Variants in SDK1 observed in about 807,000 individuals in gnomAD.
SDK1 encodes protein sidekick-1.
In SDK1, 157 loss-of-function variants were observed where a neutral mutation model predicts 245.5. That is an observed-to-expected ratio of 0.64 (90% CI 0.56 to 0.73). The LOEUF (loss-of-function observed/expected upper bound fraction) is 0.73, where lower values mean the gene tolerates loss of function less well. Ranked by LOEUF, SDK1 falls within the 30% of genes least tolerant of loss-of-function variation. The pLI is 0.00. For missense variants in SDK1, 3,583 were observed against 3,002.3 expected (o/e 1.19, Z -4.52); for synonymous variants, 1,647 against 1,278.5 (o/e 1.29, Z -6.15).
rs565156455 is a variant in SDK1, at chr7:3,612,161, G to A, written c.299-6919G>A. 4.7e-4 allele frequency among the ~76,000 whole-genome samples: 71 copies of A among 152,170 alleles called. 1 individual carries two copies. Among genetic ancestry groups the A allele is most frequent in the African/African-American group, 1.6e-3 (65 of 41,536 alleles). The stretch of plus-strand genomic sequence containing the variant: ...AGTGTACACTGCTCAGGTGATGAGT[G>A]TACCAAAATCTCACAAATCACCACT... On this transcript the variant is annotated intron_variant, in intron 1 of 44. Transcript: ENST00000404826.
rs546187094 is a variant in SDK1, at chr7:3,910,530, C to T, written c.848-40393C>T. Among the ~76,000 whole-genome samples, 15 of 152,266 alleles carry T rather than the reference C, an allele frequency of 9.9e-5. No individual in the cohort carries two copies. In the South Asian group the frequency reaches 1.5e-3, roughly 15 times the overall value. ...AGGTCACCAAAAAGTACTGAGTCAT[C>T]GTGCCATTCGGTTACCTTCGGCGCT... On this transcript the variant is annotated intron_variant, in intron 5 of 44. Coordinates refer to ENST00000404826, the MANE Select transcript of SDK1 (RefSeq NM_152744.4).
chr7:3,412,458 T>C (rs1020688832), intron 1 of SDK1, among the ~76,000 whole-genome samples: 1 of 152,242 alleles, frequency 6.6e-6, no homozygotes, highest in African/African-American at 2.4e-5. Flanking sequence ...GCTCCTGCTT[T>C]TTTTGTTAAA....
chr7:3,347,800 C>T (rs1010479718), intron 1 of SDK1, among the ~76,000 whole-genome samples: 1 of 152,094 alleles, frequency 6.6e-6, no homozygotes, highest in African/African-American at 2.4e-5. Flanking sequence ...AGAGTTAATA[C>T]AAGTTTCTTA....
chr7:3,446,634 A>G (rs1191117263), intron 1 of SDK1, among the ~76,000 whole-genome samples: 2 of 152,200 alleles, frequency 1.3e-5, no homozygotes, highest in African/African-American at 4.8e-5. Context: ...CGTGCATTAT[A>G]AAATAGCATT....
intron 19 of SDK1, among the ~76,000 whole-genome samples, chr7:4,064,031 T>G (rs1043255437): frequency 1.3e-5 from 2 of 152,104 alleles, no homozygotes; most frequent in African/African-American, 2.4e-5. Flanking sequence ...AAAGATTTTA[T>G]GGCTAAGATC....
At position 3,339,300 on chromosome 7, in the gene SDK1, G is replaced by A. The variant is rs73290066; in HGVS notation, c.298+37416G>A. Among the ~76,000 whole-genome samples the A allele has an allele frequency of 8.4e-3, 1,279 of 152,166 alleles. 23 individuals carry two copies. Among genetic ancestry groups the A allele is most frequent in the African/African-American group, 0.029 (1,203 of 41,520 alleles). On this transcript the variant is annotated intron_variant, in intron 1 of 44. Transcript: ENST00000404826. Reference sequence around the variant, plus strand: ...ACATGAAGCAAAAACTGAGCTGAAAGGAGAAATAAATTTAACAAATACTAT... The same window carrying A: ...ACATGAAGCAAAAACTGAGCTGAAAAGAGAAATAAATTTAACAAATACTAT...
intron 22 of SDK1, among the ~76,000 whole-genome samples, chr7:4,086,235 G>T (rs1319499908): frequency 6.6e-6 from 1 of 152,142 alleles, no homozygotes. Flanking sequence ...ATGAGCTGGG[G>T]TTTGTTTATG....
rs548925667 is a variant in SDK1 at position 4,265,975 on chromosome 7, G to A, written c.*591G>A. 2 of 985,628 alleles carry A rather than the reference G, an allele frequency of 2.0e-6. No homozygotes were observed. Among genetic ancestry groups the A allele is most frequent in the African/African-American group, 1.7e-5 (1 of 57,380 alleles). The allele number at this position is 985,628 out of a possible 1,614,324, so 61.1% of individuals were successfully genotyped here. A position where few individuals can be genotyped will look rare whatever the true frequency, so the allele number is the denominator to read the frequency against. On this transcript the variant is annotated 3_prime_UTR_variant, in exon 45 of 45. Transcript: ENST00000404826. ...TGTCTAGTCAAGGAGTCGGCTTTCA[G>A]GTTCCTGACGGCCAGGCAGGGATGC...
At chr7:3,321,832 C>CTCT (rs1779821260) in intron 1 of SDK1, among the ~76,000 whole-genome samples, 1 of 132,972 alleles carries the variant, frequency 7.5e-6, no homozygotes, top group Admixed American at 7.6e-5. Context: ...TTCCTTCCTC[C>CTCT]TTTTCTCTCT....
chr7:4,236,714 A>G (rs1191225274), intron 41 of SDK1, among the ~76,000 whole-genome samples: 2 of 152,018 alleles, frequency 1.3e-5, no homozygotes, highest in African/African-American at 2.4e-5. Context: ...TGGGTGATGT[A>G]AAGGATGGAT....
At chr7:3,538,340 C>CT (rs1015077840) in intron 1 of SDK1, among the ~76,000 whole-genome samples, 15 of 151,166 alleles carry the variant, frequency 9.9e-5, no homozygotes, top group East Asian at 3.9e-4. Flanking sequence ...AAATCCTGTG[C>CT]TTTTTTTTTG....
At chr7:3,514,119 G>A (rs1782661389) in intron 1 of SDK1, among the ~76,000 whole-genome samples, 1 of 152,120 alleles carries the variant, frequency 6.6e-6, no homozygotes, top group African/African-American at 2.4e-5. Context: ...AGAGAGGGAC[G>A]ACAAGACAGG....
At chr7:3,555,108 A>G (rs1041219350) in intron 1 of SDK1, among the ~76,000 whole-genome samples, 6 of 152,180 alleles carry the variant, frequency 3.9e-5, no homozygotes, top group African/African-American at 1.4e-4. Context: ...AACCACAAAA[A>G]GCCAAGAATA....
At chr7:3,640,760 C>T (rs147126026) in intron 3 of SDK1, among the ~76,000 whole-genome samples, 4,263 of 151,850 alleles carry the variant, frequency 0.028, 200 homozygotes, top group African/African-American at 0.099. Context: ...CTTGACTCAC[C>T]GCAACCTCCG....
At chr7:3,645,780 G>A (rs1782815591) in intron 4 of SDK1, among the ~76,000 whole-genome samples, 1 of 152,122 alleles carries the variant, frequency 6.6e-6, no homozygotes. Context: ...CCACAGAGAT[G>A]CCATTTAAAA....
chr7:4,149,737 G>A (rs1780228385), intron 30 of SDK1, among the ~76,000 whole-genome samples: 1 of 152,116 alleles, frequency 6.6e-6, no homozygotes, highest in South Asian at 2.1e-4. Flanking sequence ...GATTGGCGAG[G>A]CAGGGGTGAT....
At chr7:3,363,672 C>A (rs1332350281) in intron 1 of SDK1, among the ~76,000 whole-genome samples, 1 of 152,158 alleles carries the variant, frequency 6.6e-6, no homozygotes, top group African/African-American at 2.4e-5. Flanking sequence ...TCACAAGAAG[C>A]ACGCAGTCTA....
At chr7:3,449,930 C>A (rs1328528873) in intron 1 of SDK1, among the ~76,000 whole-genome samples, 2 of 152,070 alleles carry the variant, frequency 1.3e-5, no homozygotes, top group African/African-American at 4.8e-5. Flanking sequence ...GTCCAGGATG[C>A]CATGAAAACG....
At chr7:4,074,026 G>A (rs570470302) in intron 20 of SDK1, among the ~76,000 whole-genome samples, 4 of 152,298 alleles carry the variant, frequency 2.6e-5, no homozygotes, top group East Asian at 3.9e-4. Flanking sequence ...GCAGGGGGCC[G>A]TAGGTGTTTT....
Sources: gnomAD v4.1 joint callset for allele counts (sites outside exome capture counted in the v4.1 genomes callset) on GRCh38, gnomAD v4.1.1 for gene constraint, MANE v1.5 for transcripts, NCBI Gene and HGNC (gene_info 2026-07-23, HGNC 2026-07-21) for gene names.